The following ERLIN2 variants were observed in gnomAD, a reference collection of about 807,000 sequenced individuals.
The protein encoded by ERLIN2 is ER lipid raft associated 2.
A neutral mutation model predicts 41.5 loss-of-function variants in ERLIN2; 22 were observed. The ratio of observed to expected loss-of-function variants is 0.53; its 90% CI spans 0.38 to 0.76. The LOEUF (loss-of-function observed/expected upper bound fraction) is 0.76. Ranked by LOEUF, ERLIN2 falls within the 30% of genes least tolerant of loss-of-function variation. The pLI is 0.00. For missense variants in ERLIN2, 247 were observed against 414.3 expected (o/e 0.60, Z 3.51); for synonymous variants, 149 against 150.9 (o/e 0.99, Z 0.09).
rs553714074 is a variant in ERLIN2 at position 37,744,225 on chromosome 8, T to C, written c.237-130T>C. 45 of 830,892 alleles carry C rather than the reference T, an allele frequency of 5.4e-5. No individual in the cohort carries two copies. The African/African-American group carries it at 7.2e-4, about 13-fold the overall frequency. 51.5% of individuals were successfully genotyped at this position (830,892 alleles called of 1,614,324 possible). On this transcript the variant is annotated intron_variant, in intron 4 of 11. Transcript: ENST00000519638. ...GAACCTCCCACTTGGAGATCCAAGC[T>C]GCCTTCCAACTTCCCGTGAACTCTT...
Position 37,754,048 on chromosome 8 carries a change from G to T in ERLIN2, c.953G>T (p.Gly318Val). ...SAGSVSKQFE[G>V]LADKLSFGLE... ...GGCAGTGTGAGCAAGCAGTTTGAGG[G>T]GCTAGCTGACAAGCTAAGCTTTGGC... The change falls in exon 12 of 12, where the codon GGG becomes GTG. Residue 318 changes from glycine (G) to valine (V), a missense_variant. Coordinates refer to ENST00000519638, the MANE Select transcript of ERLIN2 (RefSeq NM_007175.8). 1.3e-5 allele frequency: 21 copies of T among 1,614,042 alleles called. No individual in the cohort carries two copies. Among genetic ancestry groups the T allele is most frequent in the Non-Finnish European group, 1.8e-5 (21 of 1,179,982 alleles).
rs111887638 is a variant in ERLIN2, at chr8:37,754,835, G to GT, written c.*732dup. 731 of 145,862 alleles carry GT rather than the reference G, an allele frequency of 5.0e-3. 6 individuals are homozygous for GT. Among genetic ancestry groups the GT allele is most frequent in the African/African-American group, 0.015 (585 of 40,000 alleles). 9.0% of individuals were successfully genotyped at this position (145,862 alleles called of 1,614,324 possible). On this transcript the variant is annotated 3_prime_UTR_variant, in exon 12 of 12. Transcript: ENST00000519638. The stretch of plus-strand genomic sequence containing the variant: ...CATCTTTTCACCTATGCTGTGATTT[G>GT]TTTTTTTTTTTTCTTCTCAAAAATT...
chr8:37,737,028 A>ATC, intron 1 of ERLIN2: 2 of 980,368 alleles, frequency 2.0e-6, no homozygotes, highest in East Asian at 1.1e-4. Context: ...CGCCTCGCAG[A>ATC]TGTCCGCGCC....
At chr8:37,742,986 C>G (rs1802907607) in intron 4 of ERLIN2, among the ~76,000 whole-genome samples, 1 of 152,168 alleles carries the variant, frequency 6.6e-6, no homozygotes, top group African/African-American at 2.4e-5. Context: ...GAGAACACTG[C>G]TACAGCGGTC....
intron 4 of ERLIN2, among the ~76,000 whole-genome samples, chr8:37,743,008 C>G (rs185297711): frequency 1.1e-3 from 175 of 152,230 alleles, no homozygotes; most frequent in African/African-American, 3.9e-3. Flanking sequence ...CACTGGAAAG[C>G]AAAGACAGTT....
Position 37,756,668 on chromosome 8 carries a change from A to T in ERLIN2, c.*2553A>T, listed in dbSNP as rs192686467. The T allele has an allele frequency of 6.5e-6, 1 of 152,782 alleles. No homozygotes were observed. The highest frequency in any genetic ancestry group is 1.9e-4 in the East Asian group (1 of 5,192). 9.5% of individuals were successfully genotyped at this position (152,782 alleles called of 1,614,324 possible). A position where few individuals can be genotyped will look rare whatever the true frequency, so the allele number is the denominator to read the frequency against. ...AAATCAGCTGTTTTATTTGCATAGG[A>T]CAACTAACCTGTCTGTGTAACTTTG... On this transcript the variant is annotated 3_prime_UTR_variant, in exon 12 of 12. Coordinates refer to ENST00000519638, the MANE Select transcript of ERLIN2 (RefSeq NM_007175.8).
chr8:37,745,659 G>A (rs978458057), intron 6 of ERLIN2: 26 of 1,613,206 alleles, frequency 1.6e-5, no homozygotes, highest in Middle Eastern at 1.6e-4. Flanking sequence ...CATCCACATC[G>A]CCAGCAATCA....
intron 6 of ERLIN2, chr8:37,747,619 G>T (rs1452279701): frequency 6.2e-7 from 1 of 1,611,596 alleles, no homozygotes; most frequent in Admixed American, 1.7e-5. Context: ...ATATATGTTC[G>T]TTTTCCCAAA....
chr8:37,747,714 T>G (rs776858527), intron 6 of ERLIN2: 1 of 1,579,650 alleles, frequency 6.3e-7, no homozygotes, highest in Non-Finnish European at 8.7e-7. Context: ...AGAGCAGCAG[T>G]CCACACTTTG....
intron 6 of ERLIN2, chr8:37,747,513 TTCA>T: frequency 6.2e-7 from 1 of 1,612,516 alleles, no homozygotes; most frequent in East Asian, 2.2e-5. Flanking sequence ...CCTCTTCCTC[TTCA>T]TCAATGGTAG....
rs552068695 is a variant in ERLIN2, at chr8:37,758,218, T to C, written c.*4103T>C. ...TTTTTAACAGGGATCCCAAGCTTTT[T>C]CTATTGGTTTGAGAGCCTGCTACAC... On this transcript the variant is annotated 3_prime_UTR_variant, in exon 12 of 12. Transcript: ENST00000519638. 1.3e-5 allele frequency: 2 copies of C among 152,346 alleles called. No homozygotes were observed. The highest frequency in any genetic ancestry group is 1.9e-4 in the East Asian group (1 of 5,192). 9.4% of individuals were successfully genotyped at this position (152,346 alleles called of 1,614,324 possible).
intron 6 of ERLIN2, chr8:37,748,027 A>C (rs779241539): frequency 1.9e-6 from 3 of 1,598,238 alleles, no homozygotes; most frequent in South Asian, 2.2e-5. Context: ...CAACCTGAAA[A>C]ACTCTACGCA....
At chr8:37,745,160 C>G (rs1322311661) in intron 6 of ERLIN2, 17 of 480,188 alleles carry the variant, frequency 3.5e-5, no homozygotes, top group Middle Eastern at 5.4e-4. Flanking sequence ...TCTCCTGGCT[C>G]TTCAGCATTC....
At chr8:37,749,182 T>G (rs1803155943) in intron 6 of ERLIN2, among the ~76,000 whole-genome samples, 1 of 152,224 alleles carries the variant, frequency 6.6e-6, no homozygotes, top group Non-Finnish European at 1.5e-5. Context: ...TGAACCTTCC[T>G]TCTCTTTTGC....
intron 1 of ERLIN2, chr8:37,737,603 T>G: frequency 2.5e-6 from 1 of 398,216 alleles, no homozygotes; most frequent in Non-Finnish European, 4.8e-6. Flanking sequence ...ACATTCGTGT[T>G]CACAGGAAGA....
At chr8:37,747,816 T>A (rs746442556) in intron 6 of ERLIN2, 30 of 1,614,082 alleles carry the variant, frequency 1.9e-5, no homozygotes, top group Non-Finnish European at 2.5e-5. Context: ...TATGGGCATG[T>A]TTGGCAGCAT....
At chr8:37,742,843 T>A (rs1305670787) in intron 4 of ERLIN2, among the ~76,000 whole-genome samples, 1 of 152,062 alleles carries the variant, frequency 6.6e-6, no homozygotes, top group Admixed American at 6.5e-5. Flanking sequence ...AATTTTAACG[T>A]TAAAAACAAA....
intron 4 of ERLIN2, among the ~76,000 whole-genome samples, chr8:37,743,835 T>G (rs887474300): frequency 6.6e-6 from 1 of 152,340 alleles, no homozygotes; most frequent in African/African-American, 2.4e-5. Flanking sequence ...TAAAATGTTA[T>G]CAGTGTTGAA....
At chr8:37,751,282 C>T (rs891602922) in intron 9 of ERLIN2, among the ~76,000 whole-genome samples, 5 of 152,218 alleles carry the variant, frequency 3.3e-5, no homozygotes, top group East Asian at 1.9e-4. Flanking sequence ...GTCACTGCAC[C>T]GTATTATCAA....
Sources: gnomAD v4.1 joint callset for allele counts (sites outside exome capture counted in the v4.1 genomes callset) on GRCh38, gnomAD v4.1.1 for gene constraint, MANE v1.5 for transcripts, NCBI Gene and HGNC (gene_info 2026-07-23, HGNC 2026-07-21) for gene names.